The following GTF3C4 variants were observed in gnomAD, a reference collection of about 807,000 sequenced individuals.
GTF3C4 encodes general transcription factor 3C polypeptide 4.
GTF3C4 carries 28 observed loss-of-function variants against 67.5 expected under a neutral mutation model. The observed-to-expected ratio is 0.41, with a 90% CI of 0.31 to 0.57. The LOEUF is 0.57. GTF3C4 is among the 20% of genes least tolerant of loss of function. The pLI is 0.21. For missense variants in GTF3C4, 831 were observed against 1,033.2 expected (o/e 0.80, Z 2.68); for synonymous variants, 409 against 393.0 (o/e 1.04, Z -0.48).
intron 2 of GTF3C4, among the ~76,000 whole-genome samples, chr9:132,680,316 G>C (rs765755253): frequency 6.2e-4 from 94 of 152,330 alleles, no homozygotes; most frequent in Non-Finnish European, 5.7e-4. Context: ...TTTGGTAACA[G>C]AACAAACTTA....
In GTF3C4 at chr9:132,683,744, G is replaced by A. The variant is rs555777346; in HGVS notation, c.2315+51G>A. The stretch of plus-strand genomic sequence containing the variant: ...TCTGCTCATTTTTCAGTTTTGTGTA[G>A]CACAAACTACTGTATGTGACAGAAT... On this transcript the variant is annotated intron_variant, in intron 3 of 4. Coordinates refer to ENST00000372146, the MANE Select transcript of GTF3C4 (RefSeq NM_012204.4). 4.5e-6 allele frequency: 7 copies of A among 1,554,832 alleles called. No homozygotes were observed. The South Asian group carries it at 8.3e-5, about 18-fold the overall frequency.
In GTF3C4 at chr9:132,677,962, A is replaced by C; in HGVS notation, c.358-15A>C. 6.4e-7 allele frequency: 1 copy of C among 1,568,946 alleles called. No individual in the cohort carries two copies. The highest frequency in any genetic ancestry group is 8.6e-7 in the Non-Finnish European group (1 of 1,160,778). Reference sequence around the variant, plus strand: ...TAAATGCTCATCTGATAGTTTTTATATCTCTTATTTTCAGGTTGGCTCAAA... The same window carrying C: ...TAAATGCTCATCTGATAGTTTTTATCTCTCTTATTTTCAGGTTGGCTCAAA... On this transcript the variant is annotated splice_polypyrimidine_tract_variant and intron_variant, in intron 1 of 4. Coordinates refer to ENST00000372146, the MANE Select transcript of GTF3C4 (RefSeq NM_012204.4).
In GTF3C4 at chr9:132,679,813, T is replaced by C. The variant is rs775909661; in HGVS notation, c.2184+10T>C. 3 of 1,553,634 alleles carry C rather than the reference T, an allele frequency of 1.9e-6. No homozygotes were observed. The East Asian group carries it at 6.9e-5, about 36-fold the overall frequency. On this transcript the variant is annotated intron_variant, in intron 2 of 4. Coordinates refer to ENST00000372146, the MANE Select transcript of GTF3C4 (RefSeq NM_012204.4). The surrounding 1 kb of genome is among the most constrained non-coding windows in gnomAD (Gnocchi z 5.9). Reference sequence around the variant, plus strand: ...TGACAGAACTGCACGGGTAGGTGTTTATTAACAAAAACTCTGAAATTGTAA... The same window carrying C: ...TGACAGAACTGCACGGGTAGGTGTTCATTAACAAAAACTCTGAAATTGTAA...
intron 3 of GTF3C4, 116 bp downstream of exon 3, chr9:132,683,809 G>T (rs964370301): frequency 2.1e-5 from 21 of 1,007,556 alleles, no homozygotes; most frequent in Non-Finnish European, 3.0e-5. Flanking sequence ...TTGCCAATTT[G>T]TTGGAGAAAA....
At chr9:132,681,243 C>CT (rs1358025554) in intron 2 of GTF3C4, among the ~76,000 whole-genome samples, 1 of 152,102 alleles carries the variant, frequency 6.6e-6, no homozygotes, top group African/African-American at 2.4e-5. Flanking sequence ...TTAGAAAGTA[C>CT]TAGAGGTTGG....
intron 3 of GTF3C4, 46 bp downstream of exon 3, chr9:132,683,739 G>T: frequency 6.3e-7 from 1 of 1,577,380 alleles, no homozygotes; most frequent in African/African-American, 1.4e-5. Flanking sequence ...TTTCAGTTTT[G>T]TGTAGCACAA....
chr9:132,679,676 A>G lies in GTF3C4; in HGVS notation c.2057A>G (p.Glu686Gly). ...IEAVEMHLTR[E>G]HMKRVLGEVY... ...GCTGTGGAGATGCACTTGACCAGGG[A>G]ACACATGAAGCGAGTCTTAGGAGAA... is the stretch of plus-strand genomic sequence containing the variant. Residue 686 changes from glutamate to glycine, a missense_variant, in exon 2 of 5, where the codon GAA becomes GGA. Around this residue, in one of 4 missense-constraint regions of GTF3C4, gnomAD observed 129 missense variants for 213.8 expected, o/e 0.60. Coordinates refer to ENST00000372146, the MANE Select transcript of GTF3C4 (RefSeq NM_012204.4). The surrounding 1 kb of genome is among the most constrained non-coding windows in gnomAD (Gnocchi z 5.9). 1 of 1,614,184 alleles carries G rather than the reference A, an allele frequency of 6.2e-7. No individual in the cohort carries two copies. Among genetic ancestry groups the G allele is most frequent in the South Asian group, 1.1e-5 (1 of 91,086 alleles).
At chr9:132,683,493 T>G in intron 2 of GTF3C4, 70 bp from the exon 3 acceptor site, 1 of 1,345,404 alleles carries the variant, frequency 7.4e-7, no homozygotes, top group Admixed American at 2.3e-5. Flanking sequence ...TTTCCCTTTG[T>G]GTTTGTAGGC....
intron 1 of GTF3C4, among the ~76,000 whole-genome samples, chr9:132,675,952 G>T (rs1835858956): frequency 7.7e-6 from 1 of 129,816 alleles, no homozygotes; most frequent in Non-Finnish European, 1.6e-5. Flanking sequence ...AGGCTGGAGT[G>T]CAGTGGTGCC....
At chr9:132,688,210 A>G (rs1836059683) in intron 4 of GTF3C4, among the ~76,000 whole-genome samples, 3 of 152,190 alleles carry the variant, frequency 2.0e-5, no homozygotes, top group African/African-American at 7.2e-5. Context: ...TTTCTGTTTC[A>G]TGTGTAGTTC....
At position 132,691,293 on chromosome 9, in the gene GTF3C4, G is replaced by T. The variant is rs1836112372; in HGVS notation, c.*2348G>T. 2 of 152,234 alleles carry T rather than the reference G, an allele frequency of 1.3e-5. No individual in the cohort carries two copies. Among genetic ancestry groups the T allele is most frequent in the South Asian group, 4.1e-4 (2 of 4,824 alleles). The allele number at this position is 152,234 out of a possible 1,614,324, so 9.4% of individuals were successfully genotyped here. ...CTGAGGGTCAGCATACCTCATGGGA[G>T]TGTGTTGCTCAGTGCAACCTTGGAA... On this transcript the variant is annotated 3_prime_UTR_variant, in exon 5 of 5. Transcript: ENST00000372146.
rs1445349926 is a variant in GTF3C4, at chr9:132,670,791, A to G, written c.193A>G (p.Ser65Gly). Residue 65 changes from serine to glycine, a missense_variant, in exon 1 of 5, where the codon AGC becomes GGC. Ser to Gly is a moderately conservative substitution (Grantham distance 56). Coordinates refer to ENST00000372146, the MANE Select transcript of GTF3C4 (RefSeq NM_012204.4). The stretch of plus-strand genomic sequence containing the variant: ...GGCCGTGAAGCTGCAGTATGCGGTG[A>G]GCGGCCTGGAACCGCTGGCTTGGTC... ...EPAVKLQYAV[S>G]GLEPLAWSED... The G allele has an allele frequency of 1.9e-6, 3 of 1,594,592 alleles. No individual in the cohort carries two copies. The African/African-American group carries it at 4.0e-5, about 21-fold the overall frequency.
At chr9:132,688,050 G>T (rs2130903118) in intron 4 of GTF3C4, among the ~76,000 whole-genome samples, 1 of 152,290 alleles carries the variant, frequency 6.6e-6, no homozygotes, top group East Asian at 1.9e-4. Context: ...ACTGGCAGAA[G>T]CTCTCTAATT....
chr9:132,679,772 C>G lies in GTF3C4; in HGVS notation c.2153C>G (p.Ser718Cys). ...CGCGGACTCTGTAACTTTTTAATGT[C>G]TGATGAAGAGTATGATGACAGAACT... ...PTRGLCNFLMSDEEYDDRTAR... is the reference protein window; with the variant it reads ...PTRGLCNFLMCDEEYDDRTAR... Residue 718 changes from serine to cysteine, a missense_variant, in exon 2 of 5, where the codon TCT becomes TGT. Transcript: ENST00000372146. This position sits in a 1 kb window ranked among gnomAD's most constrained non-coding sequence, Gnocchi z 5.9. 1.2e-6 allele frequency: 2 copies of G among 1,611,726 alleles called. No individual in the cohort carries two copies. Among genetic ancestry groups the G allele is most frequent in the Non-Finnish European group, 1.7e-6 (2 of 1,178,092 alleles).
At position 132,678,202 on chromosome 9, in the gene GTF3C4, G is replaced by A; in HGVS notation, c.583G>A (p.Ala195Thr). 8 of 1,614,220 alleles carry A rather than the reference G, an allele frequency of 5.0e-6. No individual in the cohort carries two copies. The highest frequency in any genetic ancestry group is 6.8e-6 in the Non-Finnish European group (8 of 1,180,040). Residue 195 changes from alanine (A) to threonine (T), a missense_variant, in exon 2 of 5, where the codon GCA (alanine) becomes ACA (threonine). Coordinates refer to ENST00000372146, the MANE Select transcript of GTF3C4 (RefSeq NM_012204.4). This position sits in a 1 kb window ranked among gnomAD's most constrained non-coding sequence, Gnocchi z 6.5. Reference protein sequence around the residue: ...LTMDNRLTIQANLNRLQWVQL... With the variant: ...LTMDNRLTIQTNLNRLQWVQL... Reference sequence around the variant, plus strand: ...CATGGACAATCGCCTGACCATCCAGGCAAATCTCAACAGACTGCAGTGGGT... The same window carrying A: ...CATGGACAATCGCCTGACCATCCAGACAAATCTCAACAGACTGCAGTGGGT...
At position 132,670,505 on chromosome 9, in the gene GTF3C4, C is replaced by T; in HGVS notation, c.-94C>T. The T allele has an allele frequency of 2.7e-6, 3 of 1,109,766 alleles. No individual in the cohort carries two copies. The highest frequency in any genetic ancestry group is 3.6e-6 in the Non-Finnish European group (3 of 832,700). The allele number at this position is 1,109,766 out of a possible 1,614,324, so 68.7% of individuals were successfully genotyped here. A position where few individuals can be genotyped will look rare whatever the true frequency, so the allele number is the denominator to read the frequency against. On this transcript the variant is annotated 5_prime_UTR_variant, in exon 1 of 5. Coordinates refer to ENST00000372146, the MANE Select transcript of GTF3C4 (RefSeq NM_012204.4). ...TCGGGGCCTGAGGGGAGAAAACCGC[C>T]GCGGAGGGCGCTGGGGGTGGCGGCG...
Position 132,689,201 on chromosome 9 carries a change from A to G in GTF3C4, c.*256A>G. 2.1e-6 allele frequency: 1 copy of G among 473,150 alleles called. No homozygotes were observed. The highest frequency in any genetic ancestry group is 3.6e-5 in the East Asian group (1 of 28,136). 29.3% of individuals were successfully genotyped at this position (473,150 alleles called of 1,614,324 possible). The stretch of plus-strand genomic sequence containing the variant: ...AGATGAGCATTAGCCCCAGCTTTGT[A>G]ACCAATGAGGAACACTTACTTATTT... On this transcript the variant is annotated 3_prime_UTR_variant, in exon 5 of 5. Transcript: ENST00000372146.
chr9:132,694,340 G>C lies in GTF3C4; in HGVS notation c.*5395G>C, dbSNP rs1229222008. 6.6e-6 allele frequency: 1 copy of C among 152,148 alleles called. No individual in the cohort carries two copies. Among genetic ancestry groups the C allele is most frequent in the East Asian group, 1.9e-4 (1 of 5,192 alleles). 9.4% of individuals were successfully genotyped at this position (152,148 alleles called of 1,614,324 possible). The stretch of plus-strand genomic sequence containing the variant: ...GTGTAGAATGAGTGAGTAACTTCCT[G>C]CCTCATCAGGATGAAATGTGGTTCA... On this transcript the variant is annotated 3_prime_UTR_variant, in exon 5 of 5. Coordinates refer to ENST00000372146, the MANE Select transcript of GTF3C4 (RefSeq NM_012204.4).
In GTF3C4 at chr9:132,670,548, C is replaced by T. The variant is rs755974065; in HGVS notation, c.-51C>T. ...TGGCGGCGGCGGTCCGGGAGGTGGT[C>T]GCGCGACTGCGTGGAGCGCCAGGGC... On this transcript the variant is annotated 5_prime_UTR_variant, in exon 1 of 5. Transcript: ENST00000372146. 1.5e-5 allele frequency: 20 copies of T among 1,307,878 alleles called. No individual in the cohort carries two copies. The highest frequency in any genetic ancestry group is 6.2e-5 in the African/African-American group (4 of 64,718). The allele number at this position is 1,307,878 out of a possible 1,614,324, so 81.0% of individuals were successfully genotyped here. A position where few individuals can be genotyped will look rare whatever the true frequency, so the allele number is the denominator to read the frequency against.
Sources: allele counts gnomAD v4.1 joint callset (sites outside exome capture counted in the v4.1 genomes callset), GRCh38; gene constraint gnomAD v4.1.1; regional missense constraint gnomAD v4.1.1; non-coding constraint Gnocchi (gnomAD v3.1); transcripts MANE v1.5; gene names NCBI Gene and HGNC (gene_info 2026-07-23, HGNC 2026-07-21).